SPRR2G: variants seen among roughly 807,000 people sequenced by gnomAD.
SPRR2G encodes the protein small proline rich protein 2G.
SPRR2G carries 1 observed loss-of-function variant against 0.7 expected under a neutral mutation model. The ratio of observed to expected loss-of-function variants is 1.49; its 90% CI spans 0.53 to 7.06. The LOEUF (loss-of-function observed/expected upper bound fraction) is 7.06. SPRR2G is among the 30% of genes most tolerant of loss of function. SPRR2G has a pLI of 0.14. For synonymous variants in SPRR2G, 38 were observed against 33.9 expected (o/e 1.12, Z -0.42); for missense variants, 96 against 88.5 (o/e 1.09, Z -0.34).
the SPRR2G span, among the ~76,000 whole-genome samples, chr1:153,186,804 T>C: frequency 6.6e-6 from 1 of 152,222 alleles, no homozygotes; most frequent in Non-Finnish European, 1.5e-5. Context: ...CGTTGGTCTT[T>C]ATATTTTGGT....
At chr1:153,157,625 G>GT in the SPRR2G span, among the ~76,000 whole-genome samples, 84 of 151,154 alleles carry the variant, frequency 5.6e-4, no homozygotes, top group Admixed American at 1.1e-3. Flanking sequence ...TTCCCTGTGG[G>GT]TTTTTTTTTG....
chr1:153,156,232 T>C, the SPRR2G span, among the ~76,000 whole-genome samples: 3 of 152,238 alleles, frequency 2.0e-5, no homozygotes, highest in Admixed American at 6.5e-5. Flanking sequence ...TGAATTACTC[T>C]GTGATTTCAT....
chr1:153,188,397 C>T, the SPRR2G span, among the ~76,000 whole-genome samples: 8,462 of 152,204 alleles, frequency 0.056, 823 homozygotes, highest in African/African-American at 0.19. Flanking sequence ...TTCAGAGATG[C>T]CCCACCCAGT....
the SPRR2G span, among the ~76,000 whole-genome samples, chr1:153,201,213 G>A: frequency 6.6e-6 from 1 of 152,164 alleles, no homozygotes; most frequent in African/African-American, 2.4e-5. Context: ...TGAAAGGTAA[G>A]GCTAGTAGCT....
At chr1:153,159,930 G>A in the SPRR2G span, among the ~76,000 whole-genome samples, 2 of 152,240 alleles carry the variant, frequency 1.3e-5, no homozygotes, top group African/African-American at 4.8e-5. Context: ...TTTGAAATGA[G>A]ATTTGGGTGG....
At chr1:153,159,746 G>A in the SPRR2G span, among the ~76,000 whole-genome samples, 5 of 152,220 alleles carry the variant, frequency 3.3e-5, no homozygotes, top group African/African-American at 7.2e-5. Context: ...GAAGCAAGGC[G>A]TGTCTTACAT....
At chr1:153,167,329 C>T in the SPRR2G span, among the ~76,000 whole-genome samples, 1 of 152,012 alleles carries the variant, frequency 6.6e-6, no homozygotes, top group African/African-American at 2.4e-5. Context: ...ACAAAATTAG[C>T]CAGGCGTGGT....
chr1:153,180,335 C>A, the SPRR2G span, among the ~76,000 whole-genome samples: 1 of 152,080 alleles, frequency 6.6e-6, no homozygotes, highest in Non-Finnish European at 1.5e-5. Flanking sequence ...TCTTCATGTT[C>A]TGAACTGTAT....
chr1:153,202,889 C>A, the SPRR2G span, among the ~76,000 whole-genome samples: 3 of 152,120 alleles, frequency 2.0e-5, no homozygotes, highest in Non-Finnish European at 4.4e-5. Flanking sequence ...CCATTCCAAC[C>A]ACAAAGACCC....
the SPRR2G span, among the ~76,000 whole-genome samples, chr1:153,185,290 C>T: frequency 6.7e-6 from 1 of 150,192 alleles, no homozygotes; most frequent in East Asian, 2.0e-4. Context: ...GTACCAGCTC[C>T]TCTTTGTACC....
At chr1:153,167,440 C>CT in the SPRR2G span, among the ~76,000 whole-genome samples, 800 of 152,062 alleles carry the variant, frequency 5.3e-3, 11 homozygotes, top group Middle Eastern at 0.02. Flanking sequence ...CTCCATTGCA[C>CT]CCAGTCTGGG....
the SPRR2G span, among the ~76,000 whole-genome samples, chr1:153,169,752 T>C: frequency 1.3e-5 from 2 of 152,182 alleles, no homozygotes; most frequent in African/African-American, 4.8e-5. Context: ...TATGTGCACA[T>C]TTCTCCTTTC....
At chr1:153,171,601 C>T in the SPRR2G span, among the ~76,000 whole-genome samples, 1 of 152,142 alleles carries the variant, frequency 6.6e-6, no homozygotes, top group Non-Finnish European at 1.5e-5. Context: ...CTCACTTTTT[C>T]CACTGGCTAG....
the SPRR2G span, among the ~76,000 whole-genome samples, chr1:153,162,252 C>T: frequency 0.031 from 4,695 of 152,162 alleles, 241 homozygotes; most frequent in African/African-American, 0.11. Flanking sequence ...AGTGAGAACA[C>T]GTGGTATTTG....
At chr1:153,165,633 A>G in the SPRR2G span, among the ~76,000 whole-genome samples, 3,360 of 152,290 alleles carry the variant, frequency 0.022, 112 homozygotes, top group East Asian at 0.11. Context: ...GAGGTTAAGA[A>G]AACATATATA....
chr1:153,184,252 G>A, the SPRR2G span, among the ~76,000 whole-genome samples: 3 of 152,134 alleles, frequency 2.0e-5, no homozygotes, highest in Admixed American at 1.3e-4. Context: ...CTAATTCAGT[G>A]AAGAAAATCA....
chr1:153,163,333 C>T, the SPRR2G span, among the ~76,000 whole-genome samples: 1 of 152,234 alleles, frequency 6.6e-6, no homozygotes, highest in Non-Finnish European at 1.5e-5. Flanking sequence ...GTTGTCTACA[C>T]ATTCCAAAAA....
the SPRR2G span, among the ~76,000 whole-genome samples, chr1:153,158,024 A>G: frequency 6.6e-6 from 1 of 152,120 alleles, no homozygotes; most frequent in East Asian, 1.9e-4. Flanking sequence ...AACATGTGGG[A>G]TTGTAATTCG....
chr1:153,171,488 T>A, the SPRR2G span, among the ~76,000 whole-genome samples: 1 of 152,176 alleles, frequency 6.6e-6, no homozygotes, highest in Non-Finnish European at 1.5e-5. Context: ...GATCACACCA[T>A]ATACCCTTTC....
Sources: gnomAD v4.1 joint callset for allele counts (sites outside exome capture counted in the v4.1 genomes callset) on GRCh38, gnomAD v4.1.1 for gene constraint, MANE v1.5 for transcripts, NCBI Gene and HGNC (gene_info 2026-07-23, HGNC 2026-07-21) for gene names.